The following LIPA variants were observed in gnomAD, a reference collection of about 807,000 sequenced individuals.
The protein encoded by LIPA is lysosomal acid lipase/cholesteryl ester hydrolase.
Under a neutral mutation model 40.6 loss-of-function variants are expected in LIPA, and 26 were observed. The observed-to-expected ratio is 0.64, with a 90% CI of 0.47 to 0.89. LIPA has a LOEUF of 0.89. Among genes scored for constraint, LIPA ranks in the 40% least tolerant of loss-of-function variants. The probability of loss-of-function intolerance (pLI) is 0.00; values close to 1 mark genes in which losing one functional copy is unlikely to be tolerated. For missense variants in LIPA, 455 were observed against 479.6 expected (o/e 0.95, Z 0.48); for synonymous variants, 188 against 168.4 (o/e 1.12, Z -0.90).
At chr10:89,267,952 T>A (rs933078628) in intron 1 of LIPA, among the ~76,000 whole-genome samples, 1 of 152,080 alleles carries the variant, frequency 6.6e-6, no homozygotes, top group Non-Finnish European at 1.5e-5. Context: ...AGTTAAGGAA[T>A]GGGGAATAAG....
chr10:89,297,566 C>T (rs1386716101), intron 1 of LIPA, among the ~76,000 whole-genome samples: 1 of 152,168 alleles, frequency 6.6e-6, no homozygotes, highest in Non-Finnish European at 1.5e-5. Context: ...TACTACTCCC[C>T]AGGGAAAGAA....
At chr10:89,408,408 C>T (rs1589644764) in intron 2 of LIPA, among the ~76,000 whole-genome samples, 1 of 152,228 alleles carries the variant, frequency 6.6e-6, no homozygotes, top group Non-Finnish European at 1.5e-5. Context: ...TTACATCCCA[C>T]AGGAGGACCT....
At chr10:89,322,817 G>C (rs992871554) in intron 1 of LIPA, among the ~76,000 whole-genome samples, 1 of 152,210 alleles carries the variant, frequency 6.6e-6, no homozygotes, top group Non-Finnish European at 1.5e-5. Context: ...TCTGAACTCA[G>C]CCAGTGACCA....
At chr10:89,410,465 C>T (rs1319198447) in intron 2 of LIPA, among the ~76,000 whole-genome samples, 1 of 152,214 alleles carries the variant, frequency 6.6e-6, no homozygotes, top group Non-Finnish European at 1.5e-5. Flanking sequence ...CTGACCTTAA[C>T]CTATATACCG....
chr10:89,394,938 C>T (rs1299048428), intron 2 of LIPA, among the ~76,000 whole-genome samples: 12 of 152,014 alleles, frequency 7.9e-5, no homozygotes. Context: ...GAAACACATA[C>T]TATGTGGTTA....
At chr10:89,409,577 C>T (rs531246956) in intron 2 of LIPA, among the ~76,000 whole-genome samples, 1 of 152,210 alleles carries the variant, frequency 6.6e-6, no homozygotes, top group African/African-American at 2.4e-5. Context: ...GGGGCAAGCA[C>T]CAGCTCATGT....
chr10:89,268,641 C>T (rs527985401), intron 1 of LIPA, among the ~76,000 whole-genome samples: 1 of 152,224 alleles, frequency 6.6e-6, no homozygotes, highest in South Asian at 2.1e-4. Flanking sequence ...TTTTTGAAAT[C>T]ATTTTTAATG....
chr10:89,406,423 GGGT>G (rs1335788817), intron 2 of LIPA: 3 of 152,232 alleles, frequency 2.0e-5, no homozygotes, highest in Non-Finnish European at 4.4e-5. Context: ...CAACCCGCTC[GGGT>G]CCCCTTCCAT....
intron 1 of LIPA, among the ~76,000 whole-genome samples, chr10:89,298,205 G>C (rs576549878): frequency 3.3e-5 from 5 of 152,114 alleles, no homozygotes; most frequent in Non-Finnish European, 5.9e-5. Context: ...AGCTATCTGG[G>C]GGCCCAGGAA....
At chr10:89,365,826 A>C (rs1317509864) in intron 2 of LIPA, among the ~76,000 whole-genome samples, 4 of 152,102 alleles carry the variant, frequency 2.6e-5, no homozygotes, top group Non-Finnish European at 5.9e-5. Context: ...GTTTTGGTAA[A>C]AGTACCATGC....
intron 2 of LIPA, chr10:89,383,269 T>C (rs761019769): frequency 8.0e-6 from 12 of 1,492,560 alleles, no homozygotes; most frequent in East Asian, 6.8e-5. Context: ...TCATTTTCAG[T>C]GGACTGAATA....
intron 1 of LIPA, among the ~76,000 whole-genome samples, chr10:89,328,569 A>G (rs1843621343): frequency 6.6e-6 from 1 of 152,248 alleles, no homozygotes; most frequent in Non-Finnish European, 1.5e-5. Context: ...AGATACAATC[A>G]GTACTGCAAA....
At chr10:89,224,338 G>A (rs1428403638) in intron 6 of LIPA, among the ~76,000 whole-genome samples, 4 of 152,118 alleles carry the variant, frequency 2.6e-5, no homozygotes, top group African/African-American at 9.7e-5. Flanking sequence ...GCTCATGCCT[G>A]TAATCCCAGC....
chr10:89,373,124 G>A (rs1589624908), intron 2 of LIPA, among the ~76,000 whole-genome samples: 1 of 151,888 alleles, frequency 6.6e-6, no homozygotes, highest in South Asian at 2.1e-4. Flanking sequence ...ATGAGGTCAG[G>A]AGATCGAGAC....
At chr10:89,339,270 T>C in intron 1 of LIPA, 3 of 1,614,180 alleles carry the variant, frequency 1.9e-6, no homozygotes, top group Non-Finnish European at 1.7e-6. Flanking sequence ...TGAGTCCTGA[T>C]AACCAATACG....
At chr10:89,401,022 T>C (rs1223208140) in intron 2 of LIPA, among the ~76,000 whole-genome samples, 3 of 152,176 alleles carry the variant, frequency 2.0e-5, no homozygotes, top group Admixed American at 6.5e-5. Flanking sequence ...GAGATGGTCA[T>C]GTATTTATTC....
At chr10:89,349,739 C>T (rs1412825323) in intron 2 of LIPA, among the ~76,000 whole-genome samples, 1 of 152,178 alleles carries the variant, frequency 6.6e-6, no homozygotes, top group Non-Finnish European at 1.5e-5. Flanking sequence ...CAGCTTTCAA[C>T]AGGGATTATA....
At chr10:89,353,866 G>A (rs1387831151) in intron 2 of LIPA, among the ~76,000 whole-genome samples, 2 of 152,084 alleles carry the variant, frequency 1.3e-5, no homozygotes, top group African/African-American at 4.8e-5. Flanking sequence ...TTGTGAACCA[G>A]GGAGGCAGAG....
At chr10:89,332,197 A>T (rs1400594146) in intron 1 of LIPA, among the ~76,000 whole-genome samples, 2 of 152,236 alleles carry the variant, frequency 1.3e-5, no homozygotes, top group Non-Finnish European at 2.9e-5. Flanking sequence ...TCTGGTTAAC[A>T]TGTAACCCCT....
Sources: gnomAD v4.1 joint callset for allele counts (sites outside exome capture counted in the v4.1 genomes callset) on GRCh38, gnomAD v4.1.1 for gene constraint, MANE v1.5 for transcripts, NCBI Gene and HGNC (gene_info 2026-07-23, HGNC 2026-07-21) for gene names.